Variants in BMP4 observed in about 807,000 individuals in gnomAD.
BMP4 encodes bone morphogenetic protein 4.
Under a neutral mutation model 29.6 loss-of-function variants are expected in BMP4, and 3 were observed. The observed-to-expected ratio is 0.10, with a 90% confidence interval of 0.05 to 0.26. BMP4 has a LOEUF of 0.26. Ranked by LOEUF, BMP4 falls within the 10% of genes least tolerant of loss-of-function variation. BMP4 has a pLI of 1.00. For synonymous variants in BMP4, 197 were observed against 213.2 expected (o/e 0.92, Z 0.66); for missense variants, 455 against 550.2 (o/e 0.83, Z 1.73).
chr14:53,951,011 C>A, intron 3 of BMP4, 123 bp from the exon 4 acceptor site: 2 of 1,352,698 alleles, frequency 1.5e-6, no homozygotes, highest in Non-Finnish European at 2.1e-6. Flanking sequence ...GCAGGGGAAA[C>A]CTACTGGGGG....
chr14:53,952,718 G>GAA (rs1895510544), intron 2 of BMP4, among the ~76,000 whole-genome samples: 1 of 152,188 alleles, frequency 6.6e-6, no homozygotes, highest in Admixed American at 6.5e-5. Flanking sequence ...CAGAGGGAGG[G>GAA]AAAGTGAGAG....
intron 3 of BMP4, 91 bp downstream of exon 3, chr14:53,951,762 G>A: frequency 1.3e-6 from 2 of 1,532,560 alleles, no homozygotes; most frequent in Middle Eastern, 2.4e-4. Context: ...GGGCTTTGAT[G>A]TAACCCGAAC....
rs1202694535 is a variant in BMP4 at position 53,955,034 on chromosome 14, G to A, written c.-133+1516C>T. ...CGACCAACACCTCAGGTCCGGGTGC[G>A]GAGGCCGCGGGCGCCCCTGCGCGAC... On this transcript the variant is annotated intron_variant, in intron 1 of 3. Coordinates refer to ENST00000245451, the MANE Select transcript of BMP4 (RefSeq NM_001202.6). The surrounding 1 kb of genome is among the most constrained non-coding windows in gnomAD (Gnocchi z 4.0). Among the ~76,000 whole-genome samples, 2 of 152,216 alleles carry A rather than the reference G, an allele frequency of 1.3e-5. No homozygotes were observed. The highest frequency in any genetic ancestry group is 1.9e-4 in the East Asian group (1 of 5,182).
chr14:53,951,281 GGAGGAA>G, intron 3 of BMP4: 1 of 267,436 alleles, frequency 3.7e-6, no homozygotes, highest in South Asian at 4.6e-5. Flanking sequence ...AGCACAGGCA[GGAGGAA>G]ACATGCAGAC....
rs926426222 is a variant in BMP4, at chr14:53,953,376, T to C, written c.-108A>G. The C allele has an allele frequency of 1.3e-5, 5 of 399,086 alleles. No individual in the cohort carries two copies. The highest frequency in any genetic ancestry group is 1.0e-4 in the African/African-American group (5 of 48,636). The allele number at this position is 399,086 out of a possible 1,614,324, so 24.7% of individuals were successfully genotyped here. ...CAGGGAAGCTGCAGCAGTGCGTTGC[T>C]CGGGATGGCACTACGGAATGGCTCC... On this transcript the variant is annotated 5_prime_UTR_variant, in exon 2 of 4. Coordinates refer to ENST00000245451, the MANE Select transcript of BMP4 (RefSeq NM_001202.6).
rs1895545409 is a variant in BMP4 at position 53,953,296 on chromosome 14, A to G, written c.-28T>C. ...CTCACTGACAGAAAACAAGGCATAT[A>G]ATAACAGTCCATGATTCTTGACAGC... On this transcript the variant is annotated 5_prime_UTR_variant, in exon 2 of 4. Coordinates refer to ENST00000245451, the MANE Select transcript of BMP4 (RefSeq NM_001202.6). 1.0e-5 allele frequency: 4 copies of G among 399,030 alleles called. No individual in the cohort carries two copies. The highest frequency in any genetic ancestry group is 1.8e-5 in the Non-Finnish European group (4 of 226,120). The allele number at this position is 399,030 out of a possible 1,614,324, so 24.7% of individuals were successfully genotyped here.
In BMP4 at chr14:53,954,050, T is replaced by C. The variant is rs922099076; in HGVS notation, c.-132-650A>G. ...CCCCTTGGCGAACGCCTGCTAAGGC[T>C]CCGAAGAGCCGGGCCACCGATCTAG... On this transcript the variant is annotated intron_variant, in intron 1 of 3. Transcript: ENST00000245451. The surrounding 1 kb of genome is among the most constrained non-coding windows in gnomAD (Gnocchi z 4.8). Among the ~76,000 whole-genome samples the C allele has an allele frequency of 2.0e-5, 3 of 150,462 alleles. No homozygotes were observed. The highest frequency in any genetic ancestry group is 7.3e-5 in the African/African-American group (3 of 40,822).
rs1895664441 is a variant in BMP4, at chr14:53,955,172, A to G, written c.-133+1378T>C. ...CAAAGGGTTTTTTTGTTTTGTTTTGAGACGCAGAAGCCCTTTAAAAAGCCC... is the reference window on the plus strand; with the variant it reads ...CAAAGGGTTTTTTTGTTTTGTTTTGGGACGCAGAAGCCCTTTAAAAAGCCC... On this transcript the variant is annotated intron_variant, in intron 1 of 3. Transcript: ENST00000245451. This position sits in a 1 kb window ranked among gnomAD's most constrained non-coding sequence, Gnocchi z 4.0. Among the ~76,000 whole-genome samples the G allele has an allele frequency of 6.6e-6, 1 of 152,168 alleles. No homozygotes were observed. The highest frequency in any genetic ancestry group is 2.4e-5 in the African/African-American group (1 of 41,464).
rs961713915 is a variant in BMP4, at chr14:53,955,065, G to A, written c.-133+1485C>T. On this transcript the variant is annotated intron_variant, in intron 1 of 3. Coordinates refer to ENST00000245451, the MANE Select transcript of BMP4 (RefSeq NM_001202.6). The surrounding 1 kb of genome is among the most constrained non-coding windows in gnomAD (Gnocchi z 4.0). ...CGCGGGCGCCCCTGCGCGACCGTCC[G>A]CGCCCGGCAAGAGCCGCGCGGCTTT... is the stretch of plus-strand genomic sequence containing the variant. 2.6e-5 allele frequency among the ~76,000 whole-genome samples: 4 copies of A among 152,220 alleles called. No homozygotes were observed. The highest frequency in any genetic ancestry group is 4.8e-5 in the African/African-American group (2 of 41,464).
At chr14:53,951,253 A>T (rs1895392406) in intron 3 of BMP4, among the ~76,000 whole-genome samples, 1 of 152,166 alleles carries the variant, frequency 6.6e-6, no homozygotes, top group Admixed American at 6.5e-5. Flanking sequence ...GGTTGTAAAG[A>T]AAAAGAGGGG....
chr14:53,951,713 T>C, intron 3 of BMP4, 140 bp downstream of exon 3: 1 of 1,348,598 alleles, frequency 7.4e-7, no homozygotes, highest in Non-Finnish European at 1.0e-6. Context: ...CTGCAAATTC[T>C]TGGAGGTAAG....
At position 53,955,763 on chromosome 14, in the gene BMP4, G is replaced by C. The variant is rs1392043083; in HGVS notation, c.-133+787C>G. On this transcript the variant is annotated intron_variant, in intron 1 of 3. Coordinates refer to ENST00000245451, the MANE Select transcript of BMP4 (RefSeq NM_001202.6). This position sits in a 1 kb window ranked among gnomAD's most constrained non-coding sequence, Gnocchi z 4.0. ...CGGGAACCTTTCCCGTCGGTTCCGG[G>C]CCTGGAGGGCCAGGAAGAGCCGCGC... 3.9e-5 allele frequency: 6 copies of C among 152,168 alleles called. No individual in the cohort carries two copies. Among genetic ancestry groups the C allele is most frequent in the Non-Finnish European group, 7.3e-5 (5 of 68,062 alleles). 9.4% of individuals were successfully genotyped at this position (152,168 alleles called of 1,614,324 possible). A position where few individuals can be genotyped will look rare whatever the true frequency, so the allele number is the denominator to read the frequency against.
At position 53,952,019 on chromosome 14, in the gene BMP4, G is replaced by A. The variant is rs762025993; in HGVS notation, c.204C>T (p.Arg68=). The A allele has an allele frequency of 6.8e-6, 11 of 1,613,930 alleles. No homozygotes were observed. The highest frequency in any genetic ancestry group is 9.3e-6 in the Non-Finnish European group (11 of 1,180,050). The change falls in exon 3 of 4, where the codon CGC becomes CGT. Residue 68 remains arginine, a synonymous_variant. Coordinates refer to ENST00000245451, the MANE Select transcript of BMP4 (RefSeq NM_001202.6). ...CACTCTTGCTAGGCTGCGGGCGGCGGCGCAGCCCAAACATCTGCAGAAGTG... is the reference window on the plus strand; with the variant it reads ...CACTCTTGCTAGGCTGCGGGCGGCGACGCAGCCCAAACATCTGCAGAAGTG... ...EATLLQMFGL[R]RRPQPSKSAV...
At position 53,952,151 on chromosome 14, in the gene BMP4, A is replaced by G. The variant is rs142236680; in HGVS notation, c.72T>C (p.Ala24=). ...CQVLLGGASH[A]SLIPETGKKK... is the part of the protein sequence containing the mutation. Reference sequence around the variant, plus strand: ...TCTTCCCCGTCTCAGGTATCAAACTAGCATGGCTCGCGCCTCCTAGCAGGA... The same window carrying G: ...TCTTCCCCGTCTCAGGTATCAAACTGGCATGGCTCGCGCCTCCTAGCAGGA... The change falls in exon 3 of 4, where the codon GCT becomes GCC. Residue 24 remains alanine, a synonymous_variant. Coordinates refer to ENST00000245451, the MANE Select transcript of BMP4 (RefSeq NM_001202.6). The G allele has an allele frequency of 1.2e-6, 2 of 1,614,166 alleles. No individual in the cohort carries two copies. Among genetic ancestry groups the G allele is most frequent in the Non-Finnish European group, 1.7e-6 (2 of 1,180,006 alleles).
Position 53,952,231 on chromosome 14 carries a change from T to G in BMP4, c.-7-2A>C. The G allele has an allele frequency of 6.2e-7, 1 of 1,613,422 alleles. No individual in the cohort carries two copies. The highest frequency in any genetic ancestry group is 8.5e-7 in the Non-Finnish European group (1 of 1,179,618). ...CGGTTACCAGGAATCATGGTGTCTCTGGGGAGGGGGAGGGGAGTGGAAGGT... is the reference window on the plus strand; with the variant it reads ...CGGTTACCAGGAATCATGGTGTCTCGGGGGAGGGGGAGGGGAGTGGAAGGT... On this transcript the variant is annotated splice_acceptor_variant, in intron 2 of 3. Coordinates refer to ENST00000245451, the MANE Select transcript of BMP4 (RefSeq NM_001202.6). LOFTEE classifies it low-confidence loss of function (5UTR_SPLICE).
Position 53,952,238 on chromosome 14 carries a change from G to C in BMP4, c.-7-9C>G. ...CAGGAATCATGGTGTCTCTGGGGAG[G>C]GGGAGGGGAGTGGAAGGTTAAAGAA... On this transcript the variant is annotated splice_polypyrimidine_tract_variant and intron_variant, in intron 2 of 3. Transcript: ENST00000245451. 1 of 1,613,604 alleles carries C rather than the reference G, an allele frequency of 6.2e-7. No homozygotes were observed. The highest frequency in any genetic ancestry group is 8.5e-7 in the Non-Finnish European group (1 of 1,179,796).
At chr14:53,951,813 C>G (rs1233977051) in intron 3 of BMP4, 40 bp downstream of exon 3, 1 of 1,596,038 alleles carries the variant, frequency 6.3e-7, no homozygotes, top group African/African-American at 1.3e-5. Flanking sequence ...TAGCCAGTCC[C>G]ACCAGCCCTC....
In BMP4 at chr14:53,950,556, C is replaced by T; in HGVS notation, c.703G>A (p.Ala235Thr). 6.2e-7 allele frequency: 1 copy of T among 1,614,250 alleles called. No homozygotes were observed. The highest frequency in any genetic ancestry group is 8.5e-7 in the Non-Finnish European group (1 of 1,180,046). ...TREKQPNYGL[A>T]IEVTHLHQTR... ...TGATGGAGGTGAGTCACCTCAATGG[C>T]TAGCCCATAGTTTGGCTGCTTCTCC... The change falls in exon 4 of 4, where the codon GCC (alanine) becomes ACC (threonine). Residue 235 changes from alanine (A) to threonine (T), a missense_variant. Coordinates refer to ENST00000245451, the MANE Select transcript of BMP4 (RefSeq NM_001202.6). The surrounding 1 kb of genome is among the most constrained non-coding windows in gnomAD (Gnocchi z 5.4).
At position 53,955,227 on chromosome 14, in the gene BMP4, C is replaced by T. The variant is rs1026917943; in HGVS notation, c.-133+1323G>A. Among the ~76,000 whole-genome samples the T allele has an allele frequency of 2.0e-5, 3 of 152,210 alleles. No individual in the cohort carries two copies. Among genetic ancestry groups the T allele is most frequent in the Non-Finnish European group, 4.4e-5 (3 of 68,036 alleles). ...AGGAGAGGTCCAGAAGTAGAGAAAGCAGACGGAGGCAAGCTGTGCCCGCGG... is the reference window on the plus strand; with the variant it reads ...AGGAGAGGTCCAGAAGTAGAGAAAGTAGACGGAGGCAAGCTGTGCCCGCGG... On this transcript the variant is annotated intron_variant, in intron 1 of 3. Transcript: ENST00000245451. This position sits in a 1 kb window ranked among gnomAD's most constrained non-coding sequence, Gnocchi z 4.0.
Sources: allele counts gnomAD v4.1 joint callset (sites outside exome capture counted in the v4.1 genomes callset), GRCh38; gene constraint gnomAD v4.1.1; non-coding constraint Gnocchi (gnomAD v3.1); transcripts MANE v1.5; gene names NCBI Gene and HGNC (gene_info 2026-07-23, HGNC 2026-07-21).